The following AKAP6 variants were observed in gnomAD, a reference collection of about 807,000 sequenced individuals.
AKAP6 encodes the protein A-kinase anchor protein 6.
A neutral mutation model predicts 188.5 loss-of-function variants in AKAP6; 58 were observed. The ratio of observed to expected loss-of-function variants is 0.31; its 90% confidence interval spans 0.25 to 0.38. The LOEUF (loss-of-function observed/expected upper bound fraction) is 0.38, where lower values mean the gene tolerates loss of function less well. Ranked by LOEUF, AKAP6 falls within the 10% of genes least tolerant of loss-of-function variation. AKAP6 has a pLI of 1.00. For missense variants in AKAP6, 2,710 were observed against 2,740.0 expected, an observed-to-expected ratio of 0.99 and a Z score of 0.24; for synonymous variants, 989 against 998.6, an observed-to-expected ratio of 0.99 and a Z score of 0.18.
chr14:32,331,796 T>C (rs1221225822), intron 1 of AKAP6, among the ~76,000 whole-genome samples: 4 of 152,222 alleles, frequency 2.6e-5, no homozygotes, highest in East Asian at 3.9e-4. Flanking sequence ...TTCACAGTAA[T>C]GATAGATCAT....
chr14:32,350,557 A>C (rs568989611), intron 1 of AKAP6, among the ~76,000 whole-genome samples: 9 of 152,272 alleles, frequency 5.9e-5, no homozygotes, highest in African/African-American at 2.2e-4. Flanking sequence ...TTAATGAAAA[A>C]ACTGGTGAAA....
chr14:32,718,969 A>G (rs962465037), intron 9 of AKAP6, among the ~76,000 whole-genome samples: 2 of 152,218 alleles, frequency 1.3e-5, no homozygotes, highest in South Asian at 2.1e-4. Flanking sequence ...GTAGAAGCTT[A>G]TAATCTAATT....
intron 4 of AKAP6, among the ~76,000 whole-genome samples, chr14:32,554,656 G>A (rs1435658987): frequency 6.6e-6 from 1 of 152,192 alleles, no homozygotes; most frequent in Non-Finnish European, 1.5e-5. Flanking sequence ...AATGAACAGT[G>A]TGACTTCTTC....
At chr14:32,487,798 C>A (rs1188838165) in intron 2 of AKAP6, among the ~76,000 whole-genome samples, 7 of 152,216 alleles carry the variant, frequency 4.6e-5, no homozygotes, top group Admixed American at 4.6e-4. Flanking sequence ...AATAGTCAGG[C>A]CCCTCTTCTG....
In AKAP6 at chr14:32,372,770, C is replaced by CTGTGTG. The variant is rs3031400; in HGVS notation, c.-35+43392_-35+43397dup. 4.3e-3 allele frequency among the ~76,000 whole-genome samples: 640 copies of CTGTGTG among 147,592 alleles called. 8 individuals carry two copies. Among genetic ancestry groups the CTGTGTG allele is most frequent in the African/African-American group, 0.015 (583 of 39,942 alleles). ...TTTACCTCTACATCTTTTTGTTGCT[C>CTGTGTG]TGTGTGTGTGTGTGTGTGTGTGTGT... is the stretch of plus-strand genomic sequence containing the variant. On this transcript the variant is annotated intron_variant, in intron 1 of 13. Coordinates refer to ENST00000280979, the MANE Select transcript of AKAP6 (RefSeq NM_004274.5).
At chr14:32,542,033 C>T (rs1446236235) in intron 3 of AKAP6, among the ~76,000 whole-genome samples, 3 of 152,120 alleles carry the variant, frequency 2.0e-5, no homozygotes, top group African/African-American at 7.2e-5. Context: ...ATTCATTGAG[C>T]ACTCATCCAT....
At position 32,514,825 on chromosome 14, in the gene AKAP6, T is replaced by C. The variant is rs1446345412; in HGVS notation, c.325-20729T>C. On this transcript the variant is annotated intron_variant, in intron 2 of 13. Coordinates refer to ENST00000280979, the MANE Select transcript of AKAP6 (RefSeq NM_004274.5). ...GATAAGTAGGAGGGTGGAGGAGTAA[T>C]GGCCTGAACCCAGCATAGCAACTAA... Among the ~76,000 whole-genome samples, 7 of 152,224 alleles carry C rather than the reference T, an allele frequency of 4.6e-5. No individual in the cohort carries two copies. The South Asian group carries it at 1.5e-3, about 32-fold the overall frequency.
chr14:32,399,552 T>G (rs1489141059), intron 1 of AKAP6, among the ~76,000 whole-genome samples: 1 of 152,134 alleles, frequency 6.6e-6, no homozygotes, highest in Non-Finnish European at 1.5e-5. Flanking sequence ...AGCAGGGCCT[T>G]CTGGGGACTC....
chr14:32,808,208 AC>A (rs1245328414), intron 12 of AKAP6, among the ~76,000 whole-genome samples: 3 of 152,342 alleles, frequency 2.0e-5, no homozygotes, highest in Admixed American at 2.0e-4. Flanking sequence ...TTCCTAGAAC[AC>A]CTATACATCT....
intron 12 of AKAP6, among the ~76,000 whole-genome samples, chr14:32,804,098 G>A (rs762859905): frequency 6.6e-6 from 1 of 152,160 alleles, no homozygotes; most frequent in Non-Finnish European, 1.5e-5. Flanking sequence ...AAAGTGCTTA[G>A]GATATTGCTT....
chr14:32,744,451 G>T (rs2031807705), intron 11 of AKAP6, among the ~76,000 whole-genome samples: 1 of 151,896 alleles, frequency 6.6e-6, no homozygotes, highest in African/African-American at 2.4e-5. Flanking sequence ...TGAGTAGCTG[G>T]GACTACAGGC....
intron 9 of AKAP6, among the ~76,000 whole-genome samples, chr14:32,713,334 A>G (rs1444123296): frequency 2.0e-5 from 3 of 152,042 alleles, no homozygotes; most frequent in Admixed American, 2.0e-4. Context: ...CAGGATAGGA[A>G]ATGAGCACTG....
intron 9 of AKAP6, among the ~76,000 whole-genome samples, chr14:32,720,586 A>G (rs1302038640): frequency 6.6e-6 from 1 of 152,220 alleles, no homozygotes; most frequent in Admixed American, 6.5e-5. Context: ...TATAGCACAT[A>G]TTAGGTAAGT....
At chr14:32,671,139 A>G (rs77577557) in intron 7 of AKAP6, among the ~76,000 whole-genome samples, 16,793 of 152,132 alleles carry the variant, frequency 0.11, 1,298 homozygotes, top group East Asian at 0.41. Context: ...GGTGAGTTGT[A>G]GTTTTAAGTA....
In AKAP6 at chr14:32,837,252, T is replaced by C. The variant is rs2034884222; in HGVS notation, c.*7447T>C. 6.6e-6 allele frequency: 1 copy of C among 152,240 alleles called. No homozygotes were observed. The highest frequency in any genetic ancestry group is 2.1e-4 in the South Asian group (1 of 4,838). The allele number at this position is 152,240 out of a possible 1,614,324, so 9.4% of individuals were successfully genotyped here. ...TTAACACAAATGCATAAAAATATGATGTAATAAGAAACAATCCTGAAATTA... is the reference window on the plus strand; with the variant it reads ...TTAACACAAATGCATAAAAATATGACGTAATAAGAAACAATCCTGAAATTA... On this transcript the variant is annotated 3_prime_UTR_variant, in exon 14 of 14. Coordinates refer to ENST00000280979, the MANE Select transcript of AKAP6 (RefSeq NM_004274.5).
chr14:32,773,623 T>C (rs1198890138), intron 11 of AKAP6, 55 bp from the exon 12 acceptor site: 3 of 1,502,768 alleles, frequency 2.0e-6, no homozygotes, highest in Non-Finnish European at 2.7e-6. Flanking sequence ...TGTTTCATGT[T>C]TTAGGGAACT....
intron 2 of AKAP6, among the ~76,000 whole-genome samples, chr14:32,435,902 C>T (rs527242371): frequency 3.3e-5 from 5 of 152,258 alleles, no homozygotes; most frequent in South Asian, 2.1e-4. Flanking sequence ...CTCTTTTATT[C>T]GTATAATATT....
At position 32,681,683 on chromosome 14, in the gene AKAP6, T is replaced by TC. The variant is rs59668567; in HGVS notation, c.2879+3224_2879+3225insC. On this transcript the variant is annotated intron_variant, in intron 8 of 13. Transcript: ENST00000280979. ...TCATTCATTAATTTGACAAATTTTTTTTTTTTTTTTTTTGAGATAGGGTCT... is the reference window on the plus strand; with the variant it reads ...TCATTCATTAATTTGACAAATTTTTTCTTTTTTTTTTTTTGAGATAGGGTCT... Among the ~76,000 whole-genome samples the TC allele has an allele frequency of 1.3e-3, 195 of 151,274 alleles. 1 individual carries two copies. The highest frequency in any genetic ancestry group is 4.5e-3 in the African/African-American group (187 of 41,128).
intron 1 of AKAP6, among the ~76,000 whole-genome samples, chr14:32,381,529 A>C (rs1888360797): frequency 2.6e-5 from 4 of 152,206 alleles, no homozygotes; most frequent in Admixed American, 2.0e-4. Flanking sequence ...ATATAAAGTA[A>C]AAGTATACTT....
Sources: allele counts gnomAD v4.1 joint callset (sites outside exome capture counted in the v4.1 genomes callset), GRCh38; gene constraint gnomAD v4.1.1; transcripts MANE v1.5; gene names NCBI Gene and HGNC (gene_info 2026-07-23, HGNC 2026-07-21).